PCDHA4: variants seen among roughly 807,000 people sequenced by gnomAD.
PCDHA4 encodes the protein protocadherin alpha 4.
PCDHA4 carries 49 observed loss-of-function variants against 61.4 expected under a neutral mutation model. The ratio of observed to expected loss-of-function variants is 0.80; its 90% CI spans 0.63 to 1.01. The LOEUF (loss-of-function observed/expected upper bound fraction) is 1.01, where lower values mean the gene tolerates loss of function less well. Among genes scored for constraint, PCDHA4 ranks in the 50% least tolerant of loss-of-function variants. The pLI is 0.00. For missense variants in PCDHA4, 1,254 were observed against 1,235.8 expected (o/e 1.01, Z -0.22); for synonymous variants, 590 against 550.3 (o/e 1.07, Z -1.01).
intron 1 of PCDHA4, among the ~76,000 whole-genome samples, chr5:140,838,783 A>G (rs1398229562): frequency 6.6e-6 from 1 of 152,002 alleles, no homozygotes; most frequent in Middle Eastern, 3.2e-3. Context: ...TTAGCTATGC[A>G]TGGTGATGCA....
chr5:140,835,317 G>A lies in PCDHA4; in HGVS notation c.2385+25745G>A. ...AGTGATAGGACATATGGATTTTGAAGAAAGTAGAGCACACAAGATCCCAGT... is the reference window on the plus strand; with the variant it reads ...AGTGATAGGACATATGGATTTTGAAAAAAGTAGAGCACACAAGATCCCAGT... On this transcript the variant is annotated intron_variant, in intron 1 of 3. Coordinates refer to ENST00000530339, the MANE Select transcript of PCDHA4 (RefSeq NM_018907.4). 6 of 1,613,394 alleles carry A rather than the reference G, an allele frequency of 3.7e-6. No individual in the cohort carries two copies. Among genetic ancestry groups the A allele is most frequent in the Non-Finnish European group, 4.2e-6 (5 of 1,179,716 alleles).
At chr5:140,809,691 T>A in intron 1 of PCDHA4, 119 bp downstream of exon 1, 1 of 1,253,736 alleles carries the variant, frequency 8.0e-7, no homozygotes, top group Non-Finnish European at 1.1e-6. Flanking sequence ...TTTTTACATA[T>A]CCATTTTAAC....
At chr5:140,941,241 T>TTCTTTCTTTCTTTCTTTCTTTC in intron 1 of PCDHA4, among the ~76,000 whole-genome samples, 2 of 140,458 alleles carry the variant, frequency 1.4e-5, no homozygotes, top group South Asian at 4.5e-4. Context: ...CTTTCTTTCT[T>TTCTTTCTTTCTTTCTTTCTTTC]TCTTTCTTTC....
Position 140,979,001 on chromosome 5 carries a change from T to C in PCDHA4, c.2438T>C (p.Met813Thr). ...WRYSASLRAG[M>T]HSSVHLEEAG... Reference sequence around the variant, plus strand: ...TACTCTGCCTCCCTGAGAGCAGGCATGCACAGGTATGTATTTCCCTCCTCA... The same window carrying C: ...TACTCTGCCTCCCTGAGAGCAGGCACGCACAGGTATGTATTTCCCTCCTCA... Residue 813 changes from methionine (M) to threonine (T), a missense_variant, in exon 2 of 4, where the codon ATG becomes ACG. By Grantham distance (81) the Met-to-Thr change is moderately conservative (BLOSUM62 -1). Transcript: ENST00000530339. 6.2e-7 allele frequency: 1 copy of C among 1,614,148 alleles called. No individual in the cohort carries two copies. Among genetic ancestry groups the C allele is most frequent in the Non-Finnish European group, 8.5e-7 (1 of 1,180,016 alleles).
At chr5:140,967,174 G>A (rs1554229282) in intron 1 of PCDHA4, 1 of 1,611,892 alleles carries the variant, frequency 6.2e-7, no homozygotes, top group Non-Finnish European at 8.5e-7. Flanking sequence ...CCGTTGAGGT[G>A]GAAATATTGG....
chr5:140,825,136 T>C (rs1314909721), intron 1 of PCDHA4: 1 of 151,816 alleles, frequency 6.6e-6, no homozygotes, highest in Non-Finnish European at 1.5e-5. Flanking sequence ...TTAAAAAACA[T>C]ATGAGTATTG....
chr5:140,882,480 A>T, intron 1 of PCDHA4: 1 of 1,614,020 alleles, frequency 6.2e-7, no homozygotes, highest in Non-Finnish European at 8.5e-7. Flanking sequence ...TCCAAAAGAC[A>T]CGGGGACCTT....
Position 140,847,952 on chromosome 5 carries a change from A to T in PCDHA4, c.2385+38380A>T, listed in dbSNP as rs185156520. The T allele has an allele frequency of 1.9e-3, 295 of 152,428 alleles. 32 individuals are homozygous for T. Among genetic ancestry groups the T allele is most frequent in the Non-Finnish European group, 3.3e-3 (228 of 68,582 alleles). 9.4% of individuals were successfully genotyped at this position (152,428 alleles called of 1,614,324 possible). A position where few individuals can be genotyped will look rare whatever the true frequency, so the allele number is the denominator to read the frequency against. On this transcript the variant is annotated intron_variant, in intron 1 of 3. Coordinates refer to ENST00000530339, the MANE Select transcript of PCDHA4 (RefSeq NM_018907.4). ...ATTGCAACTCCTGGATTTCTCTTAC[A>T]CTAGAATCCTATTTCGAGCCATATG...
chr5:140,824,609 A>AGTT (rs1768189003), intron 1 of PCDHA4: 2 of 76,910 alleles, frequency 2.6e-5, no homozygotes, highest in African/African-American at 1.4e-4. Context: ...TGCTAATTAA[A>AGTT]GTTTTTTTTT....
At chr5:140,862,318 A>G in intron 1 of PCDHA4, 1 of 317,904 alleles carries the variant, frequency 3.1e-6, no homozygotes, top group South Asian at 2.8e-5. Context: ...TCATAGCCCT[A>G]ATCAGTGTAA....
intron 1 of PCDHA4, among the ~76,000 whole-genome samples, chr5:140,905,079 T>C (rs2071581588): frequency 6.6e-6 from 1 of 152,168 alleles, no homozygotes; most frequent in Admixed American, 6.5e-5. Context: ...AGTTGCACTT[T>C]CTTTTGGGTT....
chr5:140,828,245 C>T (rs2150153040), intron 1 of PCDHA4: 1 of 1,613,956 alleles, frequency 6.2e-7, no homozygotes, highest in East Asian at 2.2e-5. Context: ...CGCGCAGGAC[C>T]TGGGGCTGGA....
rs560247030 is a variant in PCDHA4, at chr5:140,910,414, C to T, written c.2386-68535C>T. On this transcript the variant is annotated intron_variant, in intron 1 of 3. Transcript: ENST00000530339. ...GACTGGCCCCTGCCACCTCGAGATC[C>T]AATTATTCCCATTGCATTTAAGTTT... Among the ~76,000 whole-genome samples the T allele has an allele frequency of 2.6e-5, 4 of 152,258 alleles. No individual in the cohort carries two copies. In the East Asian group the frequency reaches 5.8e-4, roughly 22 times the overall value.
chr5:140,824,338 T>C, intron 1 of PCDHA4: 3 of 621,360 alleles, frequency 4.8e-6, no homozygotes, highest in Non-Finnish European at 8.3e-6. Context: ...TATTAAGTGT[T>C]TTTAAAATAA....
intron 3 of PCDHA4, among the ~76,000 whole-genome samples, chr5:140,984,162 C>A (rs2097089666): frequency 6.6e-6 from 1 of 152,150 alleles, no homozygotes; most frequent in Non-Finnish European, 1.5e-5. Context: ...GAGAACTTCC[C>A]AAAGAAGCCA....
rs782209720 is a variant in PCDHA4, at chr5:140,807,244, TCTC to T, written c.61_63del (p.Leu21del). 5.9e-5 allele frequency: 95 copies of T among 1,614,072 alleles called. No homozygotes were observed. The highest frequency in any genetic ancestry group is 1.5e-4 in the South Asian group (14 of 91,090). On this transcript the variant is annotated inframe_deletion, in exon 1 of 4. Transcript: ENST00000530339. ...CCCGGCGTCTGCTGCTCTTACTTCT[TCTC>T]CTCGCAGCCTGGGAGGCAGGGAACG...
intron 3 of PCDHA4, among the ~76,000 whole-genome samples, chr5:141,004,550 G>A (rs1554259606): frequency 6.6e-6 from 1 of 152,222 alleles, no homozygotes; most frequent in African/African-American, 2.4e-5. Flanking sequence ...TCCTTTAACT[G>A]TGCAAGATGA....
At chr5:140,987,941 G>A (rs1554249697) in intron 3 of PCDHA4, among the ~76,000 whole-genome samples, 1 of 152,104 alleles carries the variant, frequency 6.6e-6, no homozygotes, top group African/African-American at 2.4e-5. Flanking sequence ...ATTCTTACCT[G>A]TCTGACAAAA....
intron 1 of PCDHA4, among the ~76,000 whole-genome samples, chr5:140,936,326 AT>A: frequency 6.6e-6 from 1 of 152,256 alleles, no homozygotes; most frequent in South Asian, 2.1e-4. Flanking sequence ...CATGCTATAA[AT>A]TTTCTCTATC....
Sources: allele counts gnomAD v4.1 joint callset (sites outside exome capture counted in the v4.1 genomes callset), GRCh38; gene constraint gnomAD v4.1.1; transcripts MANE v1.5; gene names NCBI Gene and HGNC (gene_info 2026-07-23, HGNC 2026-07-21).